Variants in THRB observed in about 807,000 individuals in gnomAD.
THRB encodes thyroid hormone receptor beta, also known as nuclear receptor subfamily 1 group A member 2.
A neutral mutation model predicts 47.8 loss-of-function variants in THRB; 12 were observed. That is an observed-to-expected ratio of 0.25 (90% CI 0.16 to 0.41). THRB has a LOEUF of 0.41. THRB is among the 10% of genes least tolerant of loss of function. The probability of loss-of-function intolerance (pLI) is 1.00; values close to 1 mark genes in which losing one functional copy is unlikely to be tolerated. For synonymous variants in THRB, 218 were observed against 212.2 expected (o/e 1.03, Z -0.24); for missense variants, 348 against 589.2 (o/e 0.59, Z 4.24).
rs544522421 is a variant in THRB at position 24,245,686 on chromosome 3, G to A, written c.-42-16685C>T. On this transcript the variant is annotated intron_variant, in intron 3 of 10. Transcript: ENST00000646209. ...CCAGCACTTTGGGAGACCGAGGCGGGCAGATCACTTGAGGTCAGGAGTTTG... is the reference window on the plus strand; with the variant it reads ...CCAGCACTTTGGGAGACCGAGGCGGACAGATCACTTGAGGTCAGGAGTTTG... 2.6e-5 allele frequency among the ~76,000 whole-genome samples: 4 copies of A among 152,286 alleles called. No homozygotes were observed. The East Asian group carries it at 7.7e-4, about 29-fold the overall frequency.
At chr3:24,142,183 AACTTCTGTGTCTT>A (rs1365610783) in intron 8 of THRB, among the ~76,000 whole-genome samples, 4 of 152,194 alleles carry the variant, frequency 2.6e-5, no homozygotes, top group African/African-American at 9.6e-5. Context: ...AAGTTTCCTC[AACTTCTGTGTCTT>A]ACTTCTCTCT....
chr3:24,229,449 C>A (rs926177942), intron 3 of THRB, among the ~76,000 whole-genome samples: 5 of 152,172 alleles, frequency 3.3e-5, no homozygotes, highest in Admixed American at 1.3e-4. Flanking sequence ...TGCATTTGGA[C>A]AAGACCCCCA....
At chr3:24,420,509 C>G (rs555263971) in intron 1 of THRB, among the ~76,000 whole-genome samples, 1 of 151,896 alleles carries the variant, frequency 6.6e-6, no homozygotes, top group South Asian at 2.1e-4. Context: ...AACTTCCACA[C>G]CTCAGAAACC....
intron 1 of THRB, chr3:24,348,616 T>C (rs887201871): frequency 6.6e-6 from 1 of 152,182 alleles, no homozygotes; most frequent in African/African-American, 2.4e-5. Flanking sequence ...TTCTAGGACC[T>C]GCAAGCATAA....
rs375407995 is a variant in THRB at position 24,206,471 on chromosome 3, A to G, written c.23-16137T>C. Among the ~76,000 whole-genome samples the G allele has an allele frequency of 7.2e-5, 11 of 152,370 alleles. No homozygotes were observed. The South Asian group carries it at 2.1e-3, about 29-fold the overall frequency. On this transcript the variant is annotated intron_variant, in intron 4 of 10. Coordinates refer to ENST00000646209, the MANE Select transcript of THRB (RefSeq NM_001354712.2). Reference sequence around the variant, plus strand: ...AAACCAACGAGAACAAAGACACAACATACCAGAATCTCTGGGACACATTTA... The same window carrying G: ...AAACCAACGAGAACAAAGACACAACGTACCAGAATCTCTGGGACACATTTA...
At chr3:24,294,334 C>A (rs549935354) in intron 3 of THRB, among the ~76,000 whole-genome samples, 280 of 152,250 alleles carry the variant, frequency 1.8e-3, no homozygotes, top group Non-Finnish European at 3.2e-3. Context: ...CCAGCCCAGA[C>A]TGAAGAATCA....
Position 24,473,566 on chromosome 3 carries a change from T to C in THRB, c.-261+21086A>G, listed in dbSNP as rs1577843627. On this transcript the variant is annotated intron_variant, in intron 1 of 10. Coordinates refer to ENST00000646209, the MANE Select transcript of THRB (RefSeq NM_001354712.2). ...AGGATCTAGAACCAGAAATACCATT[T>C]GACCCAGCAATCCCATTACTGGGTA... is the stretch of plus-strand genomic sequence containing the variant. Among the ~76,000 whole-genome samples, 3 of 152,324 alleles carry C rather than the reference T, an allele frequency of 2.0e-5. No homozygotes were observed. In the South Asian group the frequency reaches 6.2e-4, roughly 32 times the overall value.
intron 3 of THRB, among the ~76,000 whole-genome samples, chr3:24,279,902 A>C (rs1284728164): frequency 1.3e-5 from 2 of 152,168 alleles, no homozygotes; most frequent in African/African-American, 4.8e-5. Flanking sequence ...TCTAGGGATA[A>C]AGCTCTGCTT....
At chr3:24,146,316 T>C (rs898991882) in intron 7 of THRB, among the ~76,000 whole-genome samples, 2 of 152,234 alleles carry the variant, frequency 1.3e-5, no homozygotes, top group East Asian at 1.9e-4. Flanking sequence ...AATGATACCT[T>C]ATCAAGGTAA....
chr3:24,121,703 C>G lies in THRB; in HGVS notation c.*1181G>C, dbSNP rs552435861. 1.3e-5 allele frequency: 2 copies of G among 152,314 alleles called. No homozygotes were observed. Among genetic ancestry groups the G allele is most frequent in the South Asian group, 4.2e-4 (2 of 4,816 alleles). 9.4% of individuals were successfully genotyped at this position (152,314 alleles called of 1,614,324 possible). A position where few individuals can be genotyped will look rare whatever the true frequency, so the allele number is the denominator to read the frequency against. ...GGGCCAGTCTCTGTTTAGAGATAGT[C>G]AAGCTATTTAGTTCCTCAGAGTCAG... On this transcript the variant is annotated 3_prime_UTR_variant, in exon 11 of 11. Transcript: ENST00000646209.
At chr3:24,469,300 C>A (rs1453173161) in intron 1 of THRB, among the ~76,000 whole-genome samples, 1 of 152,168 alleles carries the variant, frequency 6.6e-6, no homozygotes, top group Non-Finnish European at 1.5e-5. Context: ...ACATAATGAG[C>A]TCAATACGTT....
chr3:24,323,722 A>G (rs193118047), intron 2 of THRB, among the ~76,000 whole-genome samples: 1 of 152,368 alleles, frequency 6.6e-6, no homozygotes, highest in East Asian at 1.9e-4. Context: ...ATACTCCAGA[A>G]GTCATAATAC....
At chr3:24,470,180 C>T (rs944121503) in intron 1 of THRB, among the ~76,000 whole-genome samples, 16 of 152,204 alleles carry the variant, frequency 1.1e-4, no homozygotes, top group African/African-American at 3.6e-4. Flanking sequence ...GAACTCTAAA[C>T]ACCAGACGCT....
intron 2 of THRB, among the ~76,000 whole-genome samples, chr3:24,301,840 G>A (rs1378488382): frequency 6.6e-6 from 1 of 152,208 alleles, no homozygotes; most frequent in Admixed American, 6.5e-5. Flanking sequence ...CTAGTCACCT[G>A]AATCCTTGAG....
chr3:24,277,788 G>A (rs939937101), intron 3 of THRB, among the ~76,000 whole-genome samples: 28 of 152,086 alleles, frequency 1.8e-4, no homozygotes, highest in Admixed American at 2.6e-4. Context: ...AGCTTTCCTG[G>A]CCAAAACTAA....
At chr3:24,236,712 C>G (rs2048912616) in intron 3 of THRB, among the ~76,000 whole-genome samples, 2 of 152,134 alleles carry the variant, frequency 1.3e-5, no homozygotes, top group African/African-American at 4.8e-5. Flanking sequence ...AAATTTTTCC[C>G]TTTCAAGGTT....
chr3:24,426,887 C>T (rs985600768), intron 1 of THRB, among the ~76,000 whole-genome samples: 1 of 151,910 alleles, frequency 6.6e-6, no homozygotes, highest in Non-Finnish European at 1.5e-5. Flanking sequence ...GAATCAAAAA[C>T]AAAGCCAGTG....
At chr3:24,203,534 A>G (rs2044860188) in intron 4 of THRB, among the ~76,000 whole-genome samples, 1 of 152,240 alleles carries the variant, frequency 6.6e-6, no homozygotes, top group Admixed American at 6.5e-5. Context: ...GGCGGTTCTC[A>G]GATGGCTGAA....
chr3:24,322,527 G>A (rs2058551233), intron 2 of THRB, among the ~76,000 whole-genome samples: 2 of 152,186 alleles, frequency 1.3e-5, no homozygotes, highest in Non-Finnish European at 2.9e-5. Flanking sequence ...GTCTTTTAGA[G>A]GAACTCCTGA....
Sources: allele counts gnomAD v4.1 joint callset (sites outside exome capture counted in the v4.1 genomes callset), GRCh38; gene constraint gnomAD v4.1.1; transcripts MANE v1.5; gene names NCBI Gene and HGNC (gene_info 2026-07-23, HGNC 2026-07-21).